BTBD7: variants seen among roughly 807,000 people sequenced by gnomAD.
The protein encoded by BTBD7 is BTB domain containing 7.
A neutral mutation model predicts 99.9 loss-of-function variants in BTBD7; 38 were observed. That is an observed-to-expected ratio of 0.38 (90% CI 0.29 to 0.50). BTBD7 has a LOEUF of 0.50. BTBD7 is among the 20% of genes least tolerant of loss of function. The pLI, the probability that BTBD7 is intolerant of heterozygous loss-of-function variation, is 0.93. For missense variants in BTBD7, 1,170 were observed against 1,394.6 expected (o/e 0.84, Z 2.57); for synonymous variants, 520 against 511.4 (o/e 1.02, Z -0.23).
chr14:93,312,932 G>T (rs201757033), intron 1 of BTBD7, among the ~76,000 whole-genome samples: 14 of 152,106 alleles, frequency 9.2e-5, no homozygotes, highest in African/African-American at 3.4e-4. Flanking sequence ...ATGCCCACTG[G>T]AGTGACAGAA....
At chr14:93,305,257 A>G (rs949293041) in intron 1 of BTBD7, among the ~76,000 whole-genome samples, 2 of 152,304 alleles carry the variant, frequency 1.3e-5, no homozygotes, top group Admixed American at 1.3e-4. Context: ...CATTCTGATG[A>G]GCTCCTGCCC....
At chr14:93,330,109 C>T (rs1204281654) in intron 1 of BTBD7, among the ~76,000 whole-genome samples, 1 of 152,174 alleles carries the variant, frequency 6.6e-6, no homozygotes, top group Non-Finnish European at 1.5e-5. Flanking sequence ...CTAACTTAAC[C>T]TGTAGATCAT....
At chr14:93,283,574 C>T (rs1357865826) in intron 3 of BTBD7, among the ~76,000 whole-genome samples, 4 of 152,122 alleles carry the variant, frequency 2.6e-5, no homozygotes, top group Admixed American at 2.6e-4. Flanking sequence ...GGTTTTGAGA[C>T]AGTCTCTCAC....
chr14:93,317,532 AAAC>A (rs932525721), intron 1 of BTBD7, among the ~76,000 whole-genome samples: 1 of 152,190 alleles, frequency 6.6e-6, no homozygotes, highest in African/African-American at 2.4e-5. Flanking sequence ...TTAGGAAAGA[AAAC>A]AACGGTGGAG....
At chr14:93,255,149 C>T (rs7155090) in intron 6 of BTBD7, among the ~76,000 whole-genome samples, 58,095 of 151,834 alleles carry the variant, frequency 0.38, 12,247 homozygotes, top group African/African-American at 0.57. Context: ...TCTCTTTTTC[C>T]TTCTCTTCTT....
At chr14:93,286,754 C>T (rs1045709195) in intron 3 of BTBD7, among the ~76,000 whole-genome samples, 1 of 152,178 alleles carries the variant, frequency 6.6e-6, no homozygotes, top group Admixed American at 6.5e-5. Context: ...CTGAGCCTCA[C>T]CACATTCATC....
chr14:93,332,691 C>CCCGCGGCGGCTTGGCCCCAG, intron 1 of BTBD7, 129 bp downstream of exon 1: 1 of 1,287,626 alleles, frequency 7.8e-7, no homozygotes. Context: ...CCCAGCGCCT[C>CCCGCGGCGGCTTGGCCCCAG]CCGCGGCGGC....
At chr14:93,276,552 C>A (rs2052658449) in intron 3 of BTBD7, among the ~76,000 whole-genome samples, 1 of 152,134 alleles carries the variant, frequency 6.6e-6, no homozygotes, top group Non-Finnish European at 1.5e-5. Context: ...GCCAGAAGTT[C>A]TTTTCCTTAG....
At chr14:93,253,504 T>G (rs1393416727) in intron 7 of BTBD7, 143 bp downstream of exon 7, 1 of 626,654 alleles carries the variant, frequency 1.6e-6, no homozygotes, top group African/African-American at 1.8e-5. Context: ...TTCTGTTGAG[T>G]AGTCAAACTA....
chr14:93,238,454 T>C lies in BTBD7; in HGVS notation c.*3819A>G, dbSNP rs2052184792. ...TGAGGTTTGAAAGTAAATCACTTAG[T>C]AGACAAAGTAAACCACCACAGAACC... On this transcript the variant is annotated 3_prime_UTR_variant, in exon 11 of 11. Transcript: ENST00000334746. 2 of 152,582 alleles carry C rather than the reference T, an allele frequency of 1.3e-5. No homozygotes were observed. The highest frequency in any genetic ancestry group is 4.8e-5 in the African/African-American group (2 of 41,428). The allele number at this position is 152,582 out of a possible 1,614,324, so 9.5% of individuals were successfully genotyped here.
chr14:93,278,250 T>TA (rs1184600657), intron 3 of BTBD7, among the ~76,000 whole-genome samples: 1 of 151,406 alleles, frequency 6.6e-6, no homozygotes, highest in African/African-American at 2.4e-5. Context: ...CCACCTCTAT[T>TA]AAAAACACAA....
chr14:93,286,705 CG>C (rs2052782273), intron 3 of BTBD7, among the ~76,000 whole-genome samples: 1 of 152,180 alleles, frequency 6.6e-6, no homozygotes, highest in Non-Finnish European at 1.5e-5. Context: ...GTTACAGCTT[CG>C]TGACTTCCAA....
At chr14:93,296,928 TGCTA>T (rs1243991992) in intron 1 of BTBD7, among the ~76,000 whole-genome samples, 3 of 152,200 alleles carry the variant, frequency 2.0e-5, no homozygotes, top group South Asian at 2.1e-4. Context: ...CTCTCAGAGC[TGCTA>T]GCAAGAGATT....
chr14:93,318,639 T>C (rs1302780223), intron 1 of BTBD7, among the ~76,000 whole-genome samples: 2 of 151,294 alleles, frequency 1.3e-5, no homozygotes, highest in African/African-American at 4.9e-5. Flanking sequence ...TAAAGGAGAG[T>C]ATAAAAACAC....
chr14:93,308,580 C>G (rs2053099359), intron 1 of BTBD7, among the ~76,000 whole-genome samples: 1 of 152,112 alleles, frequency 6.6e-6, no homozygotes, highest in African/African-American at 2.4e-5. Flanking sequence ...TTATTCACAA[C>G]AGCCAAAAGG....
Position 93,257,500 on chromosome 14 carries a change from C to A in BTBD7, c.1448-145G>T, listed in dbSNP as rs1319401851. The stretch of plus-strand genomic sequence containing the variant: ...AAAAGGGTTATAAATCAATTATTTT[C>A]TTTCATGTTTGTTTAATAGGGATGT... On this transcript the variant is annotated intron_variant, in intron 5 of 10. Transcript: ENST00000334746. The A allele has an allele frequency of 4.4e-6, 3 of 677,648 alleles. No individual in the cohort carries two copies. In the Admixed American group the frequency reaches 1.1e-4, roughly 25 times the overall value. 42.0% of individuals were successfully genotyped at this position (677,648 alleles called of 1,614,324 possible).
At chr14:93,248,695 T>C in intron 8 of BTBD7, 41 bp from the exon 9 acceptor site, 1 of 1,528,016 alleles carries the variant, frequency 6.5e-7, no homozygotes, top group Non-Finnish European at 8.8e-7. Flanking sequence ...ATTCCTGAGC[T>C]ACACAAAAGA....
chr14:93,299,514 C>A (rs1029310862), intron 1 of BTBD7, among the ~76,000 whole-genome samples: 1 of 152,074 alleles, frequency 6.6e-6, no homozygotes, highest in African/African-American at 2.4e-5. Flanking sequence ...CTTGGAGAGG[C>A]CCAGAATATG....
At chr14:93,317,363 CT>C (rs35376162) in intron 1 of BTBD7, among the ~76,000 whole-genome samples, 53,038 of 146,140 alleles carry the variant, frequency 0.36, 9,721 homozygotes, top group African/African-American at 0.49. Context: ...AATGTTGATA[CT>C]TTTTTTTTTT....
Sources: allele counts gnomAD v4.1 joint callset (sites outside exome capture counted in the v4.1 genomes callset), GRCh38; gene constraint gnomAD v4.1.1; transcripts MANE v1.5; gene names NCBI Gene and HGNC (gene_info 2026-07-23, HGNC 2026-07-21).